AKAP13: variants seen among roughly 807,000 people sequenced by gnomAD.
AKAP13 encodes the protein A-kinase anchor protein 13.
In AKAP13, 80 loss-of-function variants were observed where a neutral mutation model predicts 264.5. The observed-to-expected ratio is 0.30, with a 90% confidence interval of 0.25 to 0.36. The LOEUF (loss-of-function observed/expected upper bound fraction) is 0.36, where lower values mean the gene tolerates loss of function less well. Ranked by LOEUF, AKAP13 falls within the 10% of genes least tolerant of loss-of-function variation. AKAP13 has a pLI of 1.00. For missense variants in AKAP13, 3,712 were observed against 3,435.2 expected, an observed-to-expected ratio of 1.08 and a Z score of -2.01; for synonymous variants, 1,380 against 1,250.2, an observed-to-expected ratio of 1.10 and a Z score of -2.19.
At chr15:85,726,182 T>C (rs1200284355) in intron 26 of AKAP13, 2 of 448,974 alleles carry the variant, frequency 4.5e-6, no homozygotes, top group Admixed American at 3.9e-5. Flanking sequence ...AAAACAAGGC[T>C]TTGGTGATAA....
chr15:85,514,904 C>G (rs1241354516), intron 2 of AKAP13, among the ~76,000 whole-genome samples: 1 of 133,120 alleles, frequency 7.5e-6, no homozygotes, highest in Non-Finnish European at 1.6e-5. Context: ...CCTGTAATAA[C>G]ACTCAGTTTT....
At chr15:85,599,384 A>G (rs971858632) in intron 8 of AKAP13, among the ~76,000 whole-genome samples, 32 of 152,238 alleles carry the variant, frequency 2.1e-4, no homozygotes, top group African/African-American at 7.2e-4. Flanking sequence ...GAAAAAGAAT[A>G]GAATTTGTCA....
At chr15:85,684,445 C>T (rs1365025714) in intron 15 of AKAP13, 1 of 214,330 alleles carries the variant, frequency 4.7e-6, no homozygotes, top group Non-Finnish European at 9.2e-6. Flanking sequence ...TGCCTTTAGT[C>T]CCAGCTTACT....
At chr15:85,535,699 G>A (rs772493074) in intron 4 of AKAP13, 2 of 152,134 alleles carry the variant, frequency 1.3e-5, no homozygotes, top group Non-Finnish European at 2.9e-5. Context: ...TTTAAAGAGG[G>A]GCCCAGGAGT....
intron 1 of AKAP13, among the ~76,000 whole-genome samples, chr15:85,400,499 A>G (rs936267854): frequency 1.3e-5 from 2 of 152,226 alleles, no homozygotes; most frequent in African/African-American, 4.8e-5. Flanking sequence ...TTACATATTG[A>G]CATCATGGTT....
chr15:85,486,236 A>C (rs906733461), intron 2 of AKAP13, among the ~76,000 whole-genome samples: 1 of 150,790 alleles, frequency 6.6e-6, no homozygotes, highest in African/African-American at 2.4e-5. Flanking sequence ...TCTTGATGCT[A>C]TCCTTTCAAG....
chr15:85,648,421 A>C (rs920323502), intron 10 of AKAP13, among the ~76,000 whole-genome samples: 2 of 152,242 alleles, frequency 1.3e-5, no homozygotes, highest in South Asian at 4.1e-4. Context: ...TGGTTTTCTT[A>C]GCTAAGGAGA....
At chr15:85,707,696 C>T (rs555037022) in intron 17 of AKAP13, among the ~76,000 whole-genome samples, 20 of 152,248 alleles carry the variant, frequency 1.3e-4, no homozygotes, top group Non-Finnish European at 8.8e-5. Flanking sequence ...TCTGTTGCTT[C>T]CTAAGGGCCA....
intron 2 of AKAP13, among the ~76,000 whole-genome samples, chr15:85,508,944 A>G (rs2076328541): frequency 6.6e-6 from 1 of 152,156 alleles, no homozygotes; most frequent in Non-Finnish European, 1.5e-5. Context: ...CTGTCAGGAA[A>G]AGTATCCTCT....
chr15:85,571,831 C>G (rs933692134), intron 5 of AKAP13, among the ~76,000 whole-genome samples: 3 of 152,156 alleles, frequency 2.0e-5, no homozygotes, highest in Non-Finnish European at 4.4e-5. Flanking sequence ...TCAGTAGCAA[C>G]AGATATTCAT....
At chr15:85,517,839 A>C (rs1235430638) in intron 2 of AKAP13, among the ~76,000 whole-genome samples, 1 of 152,142 alleles carries the variant, frequency 6.6e-6, no homozygotes. Flanking sequence ...TAGGACCCTG[A>C]AAAAATTGTC....
In AKAP13 at chr15:85,682,185, A is replaced by T; in HGVS notation, c.5129A>T (p.His1710Leu). ...TCACGGCCCTTCCACAGTACCTTCC[A>T]CAATACCAGTGCTAATCTGACTGAG... ...DNSRPFHSTF[H>L]NTSANLTESI... Residue 1710 changes from histidine (H) to leucine (L), a missense_variant, in exon 15 of 37, where the codon CAC becomes CTC. This residue lies in a region of AKAP13 where 2,759 missense variants were observed against 2,411.7 expected (regional missense o/e 1.14). Coordinates refer to ENST00000394518, the MANE Select transcript of AKAP13 (RefSeq NM_007200.5). 6.2e-7 allele frequency: 1 copy of T among 1,613,604 alleles called. No individual in the cohort carries two copies. Among genetic ancestry groups the T allele is most frequent in the Non-Finnish European group, 8.5e-7 (1 of 1,179,946 alleles).
At chr15:85,690,691 G>T (rs945564556) in intron 16 of AKAP13, among the ~76,000 whole-genome samples, 4 of 152,200 alleles carry the variant, frequency 2.6e-5, no homozygotes, top group African/African-American at 4.8e-5. Context: ...AAAGTCAGAA[G>T]ACCTGGGTTC....
intron 8 of AKAP13, among the ~76,000 whole-genome samples, chr15:85,612,440 C>T (rs1259439085): frequency 3.3e-5 from 5 of 152,042 alleles, no homozygotes; most frequent in African/African-American, 1.2e-4. Context: ...ACGCATTTTG[C>T]ACTTGTATAT....
At chr15:85,584,152 C>G (rs941709101) in intron 7 of AKAP13, among the ~76,000 whole-genome samples, 1 of 152,170 alleles carries the variant, frequency 6.6e-6, no homozygotes, top group Non-Finnish European at 1.5e-5. Context: ...TAGATTTAAT[C>G]ATACTGTTTT....
At chr15:85,394,635 C>A (rs2071027895) in intron 1 of AKAP13, among the ~76,000 whole-genome samples, 1 of 152,182 alleles carries the variant, frequency 6.6e-6, no homozygotes, top group South Asian at 2.1e-4. Context: ...TCCTCCCACC[C>A]CCTGGTAAAA....
At chr15:85,388,590 C>T (rs956435016) in intron 1 of AKAP13, among the ~76,000 whole-genome samples, 2 of 152,140 alleles carry the variant, frequency 1.3e-5, no homozygotes, top group African/African-American at 4.8e-5. Context: ...TGAATGTTGT[C>T]AAAGGTTTTT....
Position 85,655,469 on chromosome 15 carries a change from A to G in AKAP13, c.4427A>G (p.Asp1476Gly). 1.2e-6 allele frequency: 2 copies of G among 1,614,198 alleles called. No homozygotes were observed. The highest frequency in any genetic ancestry group is 1.7e-6 in the Non-Finnish European group (2 of 1,180,028). ...ATCACCGGATCCAGTTCATCCACCG[A>G]TGACACGGCTTCACTGGACCGACAT... The part of the protein sequence containing the change: ...CDITGSSSST[D>G]DTASLDRHSS... Residue 1476 changes from aspartate (D) to glycine (G), a missense_variant, in exon 11 of 37, where the codon GAT becomes GGT. Physicochemically the swap from Asp to Gly is moderately conservative, Grantham distance 94. Transcript: ENST00000394518.
chr15:85,546,730 ATCTT>A (rs1302829639), intron 5 of AKAP13, among the ~76,000 whole-genome samples: 1 of 150,468 alleles, frequency 6.6e-6, no homozygotes, highest in Non-Finnish European at 1.5e-5. Flanking sequence ...GTATGATGCT[ATCTT>A]TCTTTTTTTT....
Sources: allele counts gnomAD v4.1 joint callset (sites outside exome capture counted in the v4.1 genomes callset), GRCh38; gene constraint gnomAD v4.1.1; regional missense constraint gnomAD v4.1.1; transcripts MANE v1.5; gene names NCBI Gene and HGNC (gene_info 2026-07-23, HGNC 2026-07-21).